LRCH4: variants seen among roughly 807,000 people sequenced by gnomAD.
LRCH4 encodes the protein leucine-rich repeat and calponin homology domain-containing protein 4.
A neutral mutation model predicts 81.2 loss-of-function variants in LRCH4; 56 were observed. The observed-to-expected ratio is 0.69, with a 90% confidence interval of 0.56 to 0.86. The LOEUF is 0.86. Among genes scored for constraint, LRCH4 ranks in the 40% least tolerant of loss-of-function variants. The pLI is 0.00. For missense variants in LRCH4, 895 were observed against 922.8 expected, an observed-to-expected ratio of 0.97 and a Z score of 0.39; for synonymous variants, 442 against 409.7, an observed-to-expected ratio of 1.08 and a Z score of -0.95.
chr7:100,577,078 A>C lies in LRCH4; in HGVS notation c.1364+8T>G. 6.2e-7 allele frequency: 1 copy of C among 1,614,122 alleles called. No individual in the cohort carries two copies. The highest frequency in any genetic ancestry group is 8.5e-7 in the Non-Finnish European group (1 of 1,179,992). On this transcript the variant is annotated splice_region_variant and intron_variant, in intron 12 of 17. Transcript: ENST00000310300. This position sits in a 1 kb window ranked among gnomAD's most constrained non-coding sequence, Gnocchi z 6.7. The stretch of plus-strand genomic sequence containing the variant: ...GGAGTGGGGAGGGGATGCTGGCAGG[A>C]AACCTACTTGTGCATGGCTTGAGTG...
In LRCH4 at chr7:100,575,369, T is replaced by C; in HGVS notation, c.1855-65A>G. On this transcript the variant is annotated intron_variant, in intron 17 of 17. Transcript: ENST00000310300. The surrounding 1 kb of genome is among the most constrained non-coding windows in gnomAD (Gnocchi z 5.3). ...GACGTCAGCAGCAGCAGCAGGACAG[T>C]CCCTCCCACCCCTGCCCTCACGTGC... The C allele has an allele frequency of 7.1e-7, 1 of 1,404,514 alleles. No homozygotes were observed. The highest frequency in any genetic ancestry group is 9.7e-7 in the Non-Finnish European group (1 of 1,035,442). The allele number at this position is 1,404,514 out of a possible 1,614,324, so 87.0% of individuals were successfully genotyped here.
chr7:100,577,081 C>G lies in LRCH4; in HGVS notation c.1364+5G>C. ...GTGGGGAGGGGATGCTGGCAGGAAA[C>G]CTACTTGTGCATGGCTTGAGTGGAC... On this transcript the variant is annotated splice_donor_5th_base_variant and intron_variant, in intron 12 of 17. Coordinates refer to ENST00000310300, the MANE Select transcript of LRCH4 (RefSeq NM_002319.5). The surrounding 1 kb of genome is among the most constrained non-coding windows in gnomAD (Gnocchi z 6.7). 6.2e-7 allele frequency: 1 copy of G among 1,614,078 alleles called. No individual in the cohort carries two copies. The highest frequency in any genetic ancestry group is 8.5e-7 in the Non-Finnish European group (1 of 1,179,990).
At chr7:100,585,766 C>A in intron 1 of LRCH4, 115 bp downstream of exon 1, 3 of 1,142,650 alleles carry the variant, frequency 2.6e-6, no homozygotes, top group South Asian at 1.8e-5. Context: ...TCAGGAGGGG[C>A]AGCAACCCTG....
chr7:100,585,800 C>T, intron 1 of LRCH4, 81 bp downstream of exon 1: 1 of 1,404,466 alleles, frequency 7.1e-7, no homozygotes. Context: ...GGGGCGGGCC[C>T]GACTCCCGGG....
chr7:100,584,201 G>T lies in LRCH4; in HGVS notation c.220+1680C>A, dbSNP rs138275650. The stretch of plus-strand genomic sequence containing the variant: ...AGGGCGAGGAGAGATGGAGGGCAGG[G>T]TATGGGCAACTGTATGTTTTTGTCA... On this transcript the variant is annotated intron_variant, in intron 1 of 17. Coordinates refer to ENST00000310300, the MANE Select transcript of LRCH4 (RefSeq NM_002319.5). 830 of 456,526 alleles carry T rather than the reference G, an allele frequency of 1.8e-3. 4 individuals are homozygous for T. The highest frequency in any genetic ancestry group is 0.014 in the African/African-American group (713 of 50,122). 28.3% of individuals were successfully genotyped at this position (456,526 alleles called of 1,614,324 possible). A position where few individuals can be genotyped will look rare whatever the true frequency, so the allele number is the denominator to read the frequency against.
chr7:100,582,818 T>A lies in LRCH4; in HGVS notation c.221-359A>T, dbSNP rs915090837. 1.3e-5 allele frequency among the ~76,000 whole-genome samples: 2 copies of A among 151,940 alleles called. No individual in the cohort carries two copies. The highest frequency in any genetic ancestry group is 4.8e-5 in the African/African-American group (2 of 41,334). On this transcript the variant is annotated intron_variant, in intron 1 of 17. Transcript: ENST00000310300. This position sits in a 1 kb window ranked among gnomAD's most constrained non-coding sequence, Gnocchi z 5.0. ...GGAGGACCGAAGGTGAGAGGAGGGGTCAGTGCTCATGGGAAAACAGTAAGG... is the reference window on the plus strand; with the variant it reads ...GGAGGACCGAAGGTGAGAGGAGGGGACAGTGCTCATGGGAAAACAGTAAGG...
At position 100,577,854 on chromosome 7, in the gene LRCH4, C is replaced by T. The variant is rs762557450; in HGVS notation, c.1007G>A (p.Arg336Gln). The T allele has an allele frequency of 9.7e-5, 156 of 1,613,078 alleles. No individual in the cohort carries two copies. Among genetic ancestry groups the T allele is most frequent in the East Asian group, 1.8e-4 (8 of 44,870 alleles). The change falls in exon 8 of 18, where the codon CGG becomes CAG. Residue 336 changes from arginine (R) to glutamine (Q), a missense_variant. Physicochemically the swap from Arg to Gln is conservative, Grantham distance 43. Around this residue, in one of 3 missense-constraint regions of LRCH4, gnomAD observed 529 missense variants for 504.9 expected, o/e 1.05. Coordinates refer to ENST00000310300, the MANE Select transcript of LRCH4 (RefSeq NM_002319.5). This position sits in a 1 kb window ranked among gnomAD's most constrained non-coding sequence, Gnocchi z 6.7. ...FRISELAREP[R>Q]GPRERKEDGS... The stretch of plus-strand genomic sequence containing the variant: ...ATCCTCCTTGCGTTCTCTGGGTCCC[C>T]GGGGCTCCCGGGCCAGCTCTGAGAT...
Position 100,575,446 on chromosome 7 carries a change from T to C in LRCH4, c.1855-142A>G. ...GACGTGCTGGGCAGGGGGAGTGCAG[T>C]GCAGGAGGAGTGCAGGGCAGGGCAT... On this transcript the variant is annotated intron_variant, in intron 17 of 17. Coordinates refer to ENST00000310300, the MANE Select transcript of LRCH4 (RefSeq NM_002319.5). This position sits in a 1 kb window ranked among gnomAD's most constrained non-coding sequence, Gnocchi z 5.3. The C allele has an allele frequency of 1.1e-6, 1 of 889,546 alleles. No homozygotes were observed. The highest frequency in any genetic ancestry group is 1.8e-6 in the Non-Finnish European group (1 of 558,152). 55.1% of individuals were successfully genotyped at this position (889,546 alleles called of 1,614,324 possible). A position where few individuals can be genotyped will look rare whatever the true frequency, so the allele number is the denominator to read the frequency against.
Position 100,577,317 on chromosome 7 carries a change from C to A in LRCH4, c.1251G>T (p.Arg417=). 6.3e-7 allele frequency: 1 copy of A among 1,597,102 alleles called. No homozygotes were observed. ...TLQLWQERER[R]QQQQSGAWGA... ...CCCACGCCCCGCTCTGCTGCTGCTG[C>A]CGCCGTTCCCGCTCCTGCCACAGCT... The change falls in exon 11 of 18, where the codon CGG becomes CGT. Residue 417 remains arginine, a synonymous_variant. Transcript: ENST00000310300. This position sits in a 1 kb window ranked among gnomAD's most constrained non-coding sequence, Gnocchi z 6.7.
rs1015179663 is a variant in LRCH4, at chr7:100,574,623, C to G, written c.*484G>C. On this transcript the variant is annotated 3_prime_UTR_variant, in exon 18 of 18. Coordinates refer to ENST00000310300, the MANE Select transcript of LRCH4 (RefSeq NM_002319.5). ...GCCACCAACACGCGGAGCAGACGCG[C>G]GCGCGCGCGCACACACACACACACA... 3 of 154,072 alleles carry G rather than the reference C, an allele frequency of 1.9e-5. No homozygotes were observed. The highest frequency in any genetic ancestry group is 7.3e-5 in the African/African-American group (3 of 41,076). 9.5% of individuals were successfully genotyped at this position (154,072 alleles called of 1,614,324 possible). A position where few individuals can be genotyped will look rare whatever the true frequency, so the allele number is the denominator to read the frequency against.
At chr7:100,584,948 T>C (rs1801678913) in intron 1 of LRCH4, 1 of 368,622 alleles carries the variant, frequency 2.7e-6, no homozygotes, top group Non-Finnish European at 5.4e-6. Flanking sequence ...CCCAAGGTCA[T>C]AGGCTGCCTC....
chr7:100,580,865 CACAAACACAT>C (rs967434154), intron 4 of LRCH4: 2 of 152,116 alleles, frequency 1.3e-5, no homozygotes, highest in African/African-American at 4.8e-5. Flanking sequence ...CACACACATA[CACAAACACAT>C]ACATACACAC....
In LRCH4 at chr7:100,582,295, C is replaced by T; in HGVS notation, c.365+20G>A. ...CTGAGAAGCACACGCTCCCACGTGGCCCTGGCTCGGCCTCCCTACCTGAGG... is the reference window on the plus strand; with the variant it reads ...CTGAGAAGCACACGCTCCCACGTGGTCCTGGCTCGGCCTCCCTACCTGAGG... On this transcript the variant is annotated intron_variant, in intron 2 of 17. Transcript: ENST00000310300. This position sits in a 1 kb window ranked among gnomAD's most constrained non-coding sequence, Gnocchi z 5.0. 6.2e-7 allele frequency: 1 copy of T among 1,614,054 alleles called. No individual in the cohort carries two copies. Among genetic ancestry groups the T allele is most frequent in the Non-Finnish European group, 8.5e-7 (1 of 1,180,020 alleles).
chr7:100,576,062 G>C, intron 15 of LRCH4, 54 bp from the exon 16 acceptor site: 1 of 1,561,234 alleles, frequency 6.4e-7, no homozygotes, highest in Non-Finnish European at 8.6e-7. Context: ...GCGTCTGGGA[G>C]GCAGGGAGAG....
At position 100,575,010 on chromosome 7, in the gene LRCH4, G is replaced by A. The variant is rs1371849558; in HGVS notation, c.*97C>T. On this transcript the variant is annotated 3_prime_UTR_variant, in exon 18 of 18. Coordinates refer to ENST00000310300, the MANE Select transcript of LRCH4 (RefSeq NM_002319.5). The surrounding 1 kb of genome is among the most constrained non-coding windows in gnomAD (Gnocchi z 5.3). ...GTGAAGGGGGTGCACTAGTGTCTTTGGTTGGGGCTGAAGGCACCGCAGGTG... is the reference window on the plus strand; with the variant it reads ...GTGAAGGGGGTGCACTAGTGTCTTTAGTTGGGGCTGAAGGCACCGCAGGTG... The A allele has an allele frequency of 1.7e-6, 2 of 1,172,570 alleles. No homozygotes were observed. Among genetic ancestry groups the A allele is most frequent in the African/African-American group, 3.1e-5 (2 of 64,654 alleles). The allele number at this position is 1,172,570 out of a possible 1,614,324, so 72.6% of individuals were successfully genotyped here. A position where few individuals can be genotyped will look rare whatever the true frequency, so the allele number is the denominator to read the frequency against.
At chr7:100,576,198 G>A (rs200355317) in intron 15 of LRCH4, 40 bp downstream of exon 15, 23 of 1,597,390 alleles carry the variant, frequency 1.4e-5, no homozygotes, top group African/African-American at 6.7e-5. Context: ...GGAGGTGCCC[G>A]GCCCAGGCCC....
In LRCH4 at chr7:100,577,126, C is replaced by A; in HGVS notation, c.1324G>T (p.Val442Leu). ...GTGGACACGGCGGCGGCCCCTCCCA[C>A]AACAGCCCTGAGCCCTGGCTTCAAG... is the stretch of plus-strand genomic sequence containing the variant. ...SLLKPGLRAVVGGAAAVSTQA... is the reference protein window; with the variant it reads ...SLLKPGLRAVLGGAAAVSTQA... The change falls in exon 12 of 18, where the codon GTG (valine) becomes TTG (leucine). Residue 442 changes from valine (V) to leucine (L), a missense_variant. Around this residue, in one of 3 missense-constraint regions of LRCH4, gnomAD observed 529 missense variants for 504.9 expected, o/e 1.05. Transcript: ENST00000310300. The surrounding 1 kb of genome is among the most constrained non-coding windows in gnomAD (Gnocchi z 6.7). The A allele has an allele frequency of 6.2e-7, 1 of 1,614,110 alleles. No individual in the cohort carries two copies. The highest frequency in any genetic ancestry group is 8.5e-7 in the Non-Finnish European group (1 of 1,179,998).
At position 100,576,769 on chromosome 7, in the gene LRCH4, G is replaced by T; in HGVS notation, c.1477C>A (p.Pro493Thr). 6.3e-7 allele frequency: 1 copy of T among 1,593,230 alleles called. No individual in the cohort carries two copies. Residue 493 changes from proline to threonine, a missense_variant, in exon 14 of 18, where the codon CCT (proline) becomes ACT (threonine). Coordinates refer to ENST00000310300, the MANE Select transcript of LRCH4 (RefSeq NM_002319.5). The stretch of plus-strand genomic sequence containing the variant: ...ATGGAGCCAAGTGGCCGTGGAGCAG[G>T]TGCTGTCGCTGGGGCCGGAACCAGG... ...PLPIAGPATA[P>T]APRPLGSIQR...
intron 4 of LRCH4, chr7:100,579,315 G>C (rs1368156167): frequency 6.4e-6 from 1 of 156,750 alleles, no homozygotes; most frequent in African/African-American, 2.4e-5. Flanking sequence ...GGCACAGTCT[G>C]GGACCGGCAC....
Sources: gnomAD v4.1 joint callset for allele counts (sites outside exome capture counted in the v4.1 genomes callset) on GRCh38, gnomAD v4.1.1 for gene constraint, gnomAD v4.1.1 regional missense constraint, Gnocchi (gnomAD v3.1) non-coding constraint, MANE v1.5 for transcripts, NCBI Gene and HGNC (gene_info 2026-07-23, HGNC 2026-07-21) for gene names.